Variants in CORIN observed in about 807,000 individuals in gnomAD.
The protein encoded by CORIN is atrial natriuretic peptide-converting enzyme.
In CORIN, 117 loss-of-function variants were observed where a neutral mutation model predicts 125.3. The observed-to-expected ratio is 0.93, with a 90% CI of 0.80 to 1.09. The LOEUF (loss-of-function observed/expected upper bound fraction) is 1.09, where lower values mean the gene tolerates loss of function less well. CORIN is among the 50% of genes least tolerant of loss of function. The pLI is 0.00. For synonymous variants in CORIN, 450 were observed against 466.4 expected (o/e 0.96, Z 0.45); for missense variants, 1,253 against 1,306.7 (o/e 0.96, Z 0.63).
At chr4:47,658,593 C>T (rs1375771689) in intron 12 of CORIN, among the ~76,000 whole-genome samples, 1 of 152,252 alleles carries the variant, frequency 6.6e-6, no homozygotes, top group Non-Finnish European at 1.5e-5. Context: ...AGCCTGGATG[C>T]AGGGAGCAGT....
At chr4:47,627,235 A>T (rs1280614649) in intron 16 of CORIN, among the ~76,000 whole-genome samples, 1 of 152,120 alleles carries the variant, frequency 6.6e-6, no homozygotes, top group Non-Finnish European at 1.5e-5. Flanking sequence ...TGCCCACCTC[A>T]GCATCCCAAA....
At chr4:47,792,988 C>T (rs181547199) in intron 2 of CORIN, among the ~76,000 whole-genome samples, 94 of 152,268 alleles carry the variant, frequency 6.2e-4, no homozygotes, top group South Asian at 2.5e-3. Context: ...TTGACTAAAA[C>T]AATAGATAAC....
At chr4:47,731,622 G>A (rs1727876562) in intron 5 of CORIN, among the ~76,000 whole-genome samples, 1 of 152,162 alleles carries the variant, frequency 6.6e-6, no homozygotes, top group Non-Finnish European at 1.5e-5. Flanking sequence ...TGTAAACCCA[G>A]TACTTTGGGA....
intron 2 of CORIN, among the ~76,000 whole-genome samples, chr4:47,795,769 G>A (rs1476146737): frequency 1.3e-5 from 2 of 151,644 alleles, no homozygotes; most frequent in African/African-American, 2.4e-5. Context: ...CAAAAAAAAA[G>A]GTAACCTGAT....
At chr4:47,754,591 A>G (rs1303906810) in intron 4 of CORIN, among the ~76,000 whole-genome samples, 2 of 151,986 alleles carry the variant, frequency 1.3e-5, no homozygotes, top group African/African-American at 4.8e-5. Flanking sequence ...CTGAAATTCT[A>G]TTTTCTACCA....
chr4:47,630,467 GAAAATTTAAGCATCAA>G (rs1490210488), intron 16 of CORIN, among the ~76,000 whole-genome samples: 2 of 152,132 alleles, frequency 1.3e-5, no homozygotes, highest in Non-Finnish European at 2.9e-5. Context: ...AAGCAAAAGA[GAAAATTTAAGCATCAA>G]AGTCACTGTA....
At chr4:47,677,713 T>C (rs1357164383) in intron 9 of CORIN, among the ~76,000 whole-genome samples, 3 of 152,224 alleles carry the variant, frequency 2.0e-5, no homozygotes, top group Non-Finnish European at 2.9e-5. Context: ...ACCATGCTGT[T>C]CAGGTGTCTC....
At chr4:47,663,863 C>T (rs891899377) in intron 11 of CORIN, among the ~76,000 whole-genome samples, 2 of 152,136 alleles carry the variant, frequency 1.3e-5, no homozygotes, top group African/African-American at 4.8e-5. Context: ...TATTTTTCTA[C>T]ACAAGCTAAC....
rs751996114 is a variant in CORIN, at chr4:47,693,073, T to C, written c.810A>G (p.Gly270=). Reference sequence around the variant, plus strand: ...TGGCACACAGAAAGTTCTCACCCCTTCCACAGAGCACTAAAAAAAAAGGGC... The same window carrying C: ...TGGCACACAGAAAGTTCTCACCCCTCCCACAGAGCACTAAAAAAAAAGGGC... ...QQENGKQLLC[G]RGENFLCASG... is the part of the protein sequence containing the mutation. The change falls in exon 6 of 22, where the codon GGA becomes GGG. Residue 270 remains glycine (G), a synonymous_variant. Transcript: ENST00000273857. 8.1e-6 allele frequency: 13 copies of C among 1,610,514 alleles called. No homozygotes were observed. Among genetic ancestry groups the C allele is most frequent in the Admixed American group, 5.0e-5 (3 of 59,974 alleles).
chr4:47,600,282 C>G lies in CORIN; in HGVS notation c.2878G>C (p.Asp960His). The change falls in exon 21 of 22, where the codon GAC (aspartate) becomes CAC (histidine). Residue 960 changes from aspartate to histidine, a missense_variant. By Grantham distance (81) the Asp-to-His change is moderately conservative. Transcript: ENST00000273857. ...ISLEHCQSYFDMKTITTRMIC... is the reference protein window; with the variant it reads ...ISLEHCQSYFHMKTITTRMIC... ...ATCCGAGTGGTGATGGTCTTCATGT[C>G]AAAGTAGGACTGACAATGTTCCAGA... The G allele has an allele frequency of 6.2e-7, 1 of 1,613,814 alleles. No homozygotes were observed. The highest frequency in any genetic ancestry group is 8.5e-7 in the Non-Finnish European group (1 of 1,179,826).
At chr4:47,788,750 G>T (rs184089643) in intron 2 of CORIN, among the ~76,000 whole-genome samples, 1 of 152,262 alleles carries the variant, frequency 6.6e-6, no homozygotes, top group Admixed American at 6.5e-5. Context: ...TGGTTGTAAT[G>T]AATATATAGG....
chr4:47,735,748 G>A (rs572618201), intron 5 of CORIN, among the ~76,000 whole-genome samples: 83 of 151,970 alleles, frequency 5.5e-4, no homozygotes, highest in African/African-American at 1.9e-3. Context: ...GTGAAACCAC[G>A]TCTCTACTAA....
chr4:47,603,260 CG>C (rs1721517831), intron 20 of CORIN, 136 bp downstream of exon 20: 1 of 822,304 alleles, frequency 1.2e-6, no homozygotes, highest in Non-Finnish European at 1.9e-6. Flanking sequence ...CTTCCCCTTC[CG>C]CCATGATTGT....
intron 5 of CORIN, among the ~76,000 whole-genome samples, chr4:47,696,595 C>CA (rs1215902417): frequency 5.3e-5 from 8 of 152,102 alleles, no homozygotes; most frequent in Non-Finnish European, 7.4e-5. Context: ...AATACTACTG[C>CA]AAAAATAGCA....
chr4:47,796,910 G>A (rs767971336), intron 2 of CORIN, among the ~76,000 whole-genome samples: 4 of 151,856 alleles, frequency 2.6e-5, no homozygotes, highest in Non-Finnish European at 2.9e-5. Flanking sequence ...TGTCCCTGTC[G>A]TAAGTTCTCT....
chr4:47,722,364 T>G (rs1241555060), intron 5 of CORIN, among the ~76,000 whole-genome samples: 3 of 152,254 alleles, frequency 2.0e-5, no homozygotes, highest in Non-Finnish European at 2.9e-5. Context: ...TGAGGGCACA[T>G]GCAGGATAAC....
At chr4:47,621,960 T>C (rs567190000) in intron 19 of CORIN, among the ~76,000 whole-genome samples, 1 of 147,266 alleles carries the variant, frequency 6.8e-6, no homozygotes, top group African/African-American at 2.5e-5. Context: ...TAACTCGTCA[T>C]CTAACATTAG....
intron 1 of CORIN, among the ~76,000 whole-genome samples, chr4:47,828,215 T>C (rs1732822831): frequency 6.6e-6 from 1 of 152,158 alleles, no homozygotes; most frequent in African/African-American, 2.4e-5. Context: ...TGGAATATCC[T>C]GAGTGATAAG....
chr4:47,594,046 G>A lies in CORIN; in HGVS notation c.*1675C>T, dbSNP rs1346098370. On this transcript the variant is annotated 3_prime_UTR_variant, in exon 22 of 22. Coordinates refer to ENST00000273857, the MANE Select transcript of CORIN (RefSeq NM_006587.4). ...TTGTATTAAGAATTATTTAAAATAA[G>A]TATAATATATATATTTCACTGAGCC... 6.6e-6 allele frequency: 1 copy of A among 150,956 alleles called. No individual in the cohort carries two copies. Among genetic ancestry groups the A allele is most frequent in the Non-Finnish European group, 1.5e-5 (1 of 67,794 alleles). 9.4% of individuals were successfully genotyped at this position (150,956 alleles called of 1,614,324 possible).
Sources: gnomAD v4.1 joint callset for allele counts (sites outside exome capture counted in the v4.1 genomes callset) on GRCh38, gnomAD v4.1.1 for gene constraint, MANE v1.5 for transcripts, NCBI Gene and HGNC (gene_info 2026-07-23, HGNC 2026-07-21) for gene names.